DDHD2: variants seen among roughly 807,000 people sequenced by gnomAD.
The protein encoded by DDHD2 is triacylglycerol hydrolase DDHD2.
Under a neutral mutation model 91.2 loss-of-function variants are expected in DDHD2, and 62 were observed. The ratio of observed to expected loss-of-function variants is 0.68; its 90% CI spans 0.55 to 0.84. The LOEUF (loss-of-function observed/expected upper bound fraction) is 0.84, where lower values mean the gene tolerates loss of function less well. Among genes scored for constraint, DDHD2 ranks in the 40% least tolerant of loss-of-function variants. DDHD2 has a pLI of 0.00. For missense variants in DDHD2, 740 were observed against 846.9 expected (o/e 0.87, Z 1.57); for synonymous variants, 271 against 293.9 (o/e 0.92, Z 0.80).
chr8:38,268,623 C>T, intron 1 of DDHD2: 1 of 1,440,992 alleles, frequency 6.9e-7, no homozygotes, highest in Non-Finnish European at 9.1e-7. Flanking sequence ...AACAGCAGCG[C>T]CCGTGCGGCT....
At chr8:38,263,909 G>A, downstream of DDHD2, 1 of 985,196 alleles carries the variant, frequency 1.0e-6, no homozygotes, top group Non-Finnish European at 1.2e-6. Context: ...GATTCATAAG[G>A]TGTTGGACAC....
chr8:38,247,750 C>T lies in DDHD2; in HGVS notation c.1163C>T (p.Pro388Leu), dbSNP rs1283814799. ...ATTGTAATGGATCAAGGAGATACAC[C>T]TACACTAGAGGAAGATTTGAAGAAA... The part of the protein sequence containing the change: ...LNIVMDQGDT[P>L]TLEEDLKKLQ... The change falls in exon 10 of 18, where the codon CCT (proline) becomes CTT (leucine). Residue 388 changes from proline to leucine, a missense_variant. Coordinates refer to ENST00000397166, the MANE Select transcript of DDHD2 (RefSeq NM_015214.3). 5 of 1,566,216 alleles carry T rather than the reference C, an allele frequency of 3.2e-6. No individual in the cohort carries two copies. The highest frequency in any genetic ancestry group is 4.3e-6 in the Non-Finnish European group (5 of 1,151,688).
downstream of DDHD2, chr8:38,264,992 G>A: frequency 1.4e-6 from 2 of 1,402,380 alleles, no homozygotes; most frequent in Non-Finnish European, 2.0e-6. Context: ...CTTCTCGCCG[G>A]GCACGGTGAC....
At chr8:38,271,418 CAGGAGAAAGGGGG>C (rs1304684632), downstream of DDHD2, 1 of 151,972 alleles carries the variant, frequency 6.6e-6, no homozygotes, top group Non-Finnish European at 1.5e-5. Flanking sequence ...TACCCTTTAC[CAGGAGAAAGGGGG>C]TTCCCTTTCT....
At chr8:38,236,532 T>C (rs1167083692) in intron 3 of DDHD2, among the ~76,000 whole-genome samples, 4 of 151,588 alleles carry the variant, frequency 2.6e-5, no homozygotes, top group African/African-American at 9.7e-5. Context: ...TTTTTTTTTT[T>C]GAGACGGAGT....
At chr8:38,242,132 G>T in intron 6 of DDHD2, 118 bp from the exon 7 acceptor site, 1 of 744,668 alleles carries the variant, frequency 1.3e-6, no homozygotes, top group South Asian at 2.3e-5. Flanking sequence ...TATTTTTGAC[G>T]GAAGTCAGTA....
At chr8:38,249,011 G>A (rs983554575) in intron 10 of DDHD2, among the ~76,000 whole-genome samples, 7 of 151,696 alleles carry the variant, frequency 4.6e-5, no homozygotes, top group Non-Finnish European at 8.8e-5. Context: ...CCATACTTGT[G>A]TGTTTGCTGT....
chr8:38,269,216 A>C lies in DDHD2; in HGVS notation n.88-1906A>C, dbSNP rs755961515. On this transcript the variant is annotated intron_variant and non_coding_transcript_variant, in intron 1 of 1. Coordinates refer to the DDHD2 transcript ENST00000526071. ...CTTCCCCATCCGGCCGCGAGCTCCG[A>C]GCGACGCTGCGCTGACGTGGCCACC... 77 of 1,494,236 alleles carry C rather than the reference A, an allele frequency of 5.2e-5. No homozygotes were observed. In the Admixed American group the frequency reaches 1.0e-3, roughly 20 times the overall value. The allele number at this position is 1,494,236 out of a possible 1,614,324, so 92.6% of individuals were successfully genotyped here.
chr8:38,252,349 A>C, intron 13 of DDHD2, 62 bp downstream of exon 13: 8 of 1,526,810 alleles, frequency 5.2e-6, no homozygotes, highest in Non-Finnish European at 7.0e-6. Context: ...TAAAGAACAT[A>C]GGATTTTCTG....
At chr8:38,264,282 G>A (rs974473288), downstream of DDHD2, 261 of 723,902 alleles carry the variant, frequency 3.6e-4, 1 homozygote, top group Middle Eastern at 8.7e-4. Context: ...CAGGTAGCTG[G>A]GATTACGGCA....
chr8:38,253,317 C>A, intron 15 of DDHD2, 190 bp downstream of exon 15: 1 of 761,850 alleles, frequency 1.3e-6, no homozygotes, highest in Non-Finnish European at 2.1e-6. Context: ...GGCAAATGAC[C>A]TAGCTATCAA....
chr8:38,234,798 C>T (rs760890548), intron 3 of DDHD2, among the ~76,000 whole-genome samples: 9 of 146,514 alleles, frequency 6.1e-5, no homozygotes, highest in African/African-American at 7.6e-5. Context: ...GACGGAGTCT[C>T]GCTCTGTTGC....
downstream of DDHD2, chr8:38,272,267 T>G (rs1336209344): frequency 2.6e-5 from 4 of 152,256 alleles, no homozygotes; most frequent in African/African-American, 9.6e-5. Context: ...AAATTTTAAA[T>G]GATTCCCCAA....
rs1456985763 is a variant in DDHD2 at position 38,249,724 on chromosome 8, G to A, written c.1265G>A (p.Arg422Gln). The A allele has an allele frequency of 5.6e-6, 9 of 1,610,096 alleles. No homozygotes were observed. The highest frequency in any genetic ancestry group is 2.2e-5 in the East Asian group (1 of 44,762). Reference protein sequence around the residue: ...DKEALALCTDRDLQEIGIPLG... With the variant: ...DKEALALCTDQDLQEIGIPLG... ...TATGCCTAGGCTTTATGTACAGACC[G>A]AGATCTTCAGGAAATAGGAATTCCT... The change falls in exon 11 of 18, where the codon CGA becomes CAA. Residue 422 changes from arginine (R) to glutamine (Q), a missense_variant. By Grantham distance (43) the Arg-to-Gln change is conservative. Coordinates refer to ENST00000397166, the MANE Select transcript of DDHD2 (RefSeq NM_015214.3).
intron 7 of DDHD2, among the ~76,000 whole-genome samples, chr8:38,243,112 G>T (rs1398752534): frequency 6.6e-6 from 1 of 152,194 alleles, no homozygotes; most frequent in Non-Finnish European, 1.5e-5. Context: ...GCCAAACACT[G>T]TGGTGGGGTC....
At chr8:38,259,987 C>A in intron 16 of DDHD2, 53 bp from the exon 17 acceptor site, 1 of 1,155,704 alleles carries the variant, frequency 8.7e-7, no homozygotes. Context: ...ATATGTAAAA[C>A]ATTTGGCACA....
downstream of DDHD2, chr8:38,266,085 C>CT: frequency 6.5e-7 from 1 of 1,546,728 alleles, no homozygotes; most frequent in Non-Finnish European, 8.9e-7. Context: ...GTGCTAGGTG[C>CT]TAGGAATAAA....
intron 1 of DDHD2, chr8:38,268,588 C>T (rs187821011): frequency 2.1e-6 from 3 of 1,455,470 alleles, no homozygotes; most frequent in African/African-American, 1.4e-5. Flanking sequence ...TGCGCGTAAC[C>T]GGGCGCCAGG....
chr8:38,267,386 C>T (rs1465814949), downstream of DDHD2: 5 of 1,613,212 alleles, frequency 3.1e-6, no homozygotes, highest in Non-Finnish European at 4.2e-6. Flanking sequence ...GAAATCTGGG[C>T]GTGGCCTGGA....
Sources: allele counts gnomAD v4.1 joint callset (sites outside exome capture counted in the v4.1 genomes callset), GRCh38; gene constraint gnomAD v4.1.1; transcripts MANE v1.5; gene names NCBI Gene and HGNC (gene_info 2026-07-23, HGNC 2026-07-21).